Variants in UIMC1 observed in about 807,000 individuals in gnomAD.
UIMC1 encodes ubiquitin interaction motif containing 1.
A neutral mutation model predicts 84.9 loss-of-function variants in UIMC1; 42 were observed. The observed-to-expected ratio is 0.49, with a 90% CI of 0.39 to 0.64. The LOEUF (loss-of-function observed/expected upper bound fraction) is 0.64. Ranked by LOEUF, UIMC1 falls within the 30% of genes least tolerant of loss-of-function variation. The pLI, the probability that UIMC1 is intolerant of heterozygous loss-of-function variation, is 0.00. For missense variants in UIMC1, 825 were observed against 847.6 expected, an observed-to-expected ratio of 0.97 and a Z score of 0.33; for synonymous variants, 281 against 293.0, an observed-to-expected ratio of 0.96 and a Z score of 0.42.
rs1312782485 is a variant in UIMC1 at position 176,905,301 on chromosome 5, C to T, written c.2141G>A (p.Gly714Glu). The part of the protein sequence containing the change: ...GSRTRTKAGR[G>E]RRRKF ...AGAAATTCAGAATTTTCTCCTTCTTCCTCTGCCAGCTTTGGTCCGTGTCCG... is the reference window on the plus strand; with the variant it reads ...AGAAATTCAGAATTTTCTCCTTCTTTCTCTGCCAGCTTTGGTCCGTGTCCG... Residue 714 changes from glycine (G) to glutamate (E), a missense_variant, in exon 15 of 15, where the codon GGA (glycine) becomes GAA (glutamate). Gly to Glu is a moderately conservative substitution (Grantham distance 98, BLOSUM62 -2). Coordinates refer to ENST00000511320, the MANE Select transcript of UIMC1 (RefSeq NM_001199298.2). The T allele has an allele frequency of 6.2e-7, 1 of 1,614,042 alleles. No individual in the cohort carries two copies. Among genetic ancestry groups the T allele is most frequent in the South Asian group, 1.1e-5 (1 of 91,066 alleles).
intron 2 of UIMC1, among the ~76,000 whole-genome samples, chr5:176,979,734 T>G (rs1581624994): frequency 6.6e-6 from 1 of 152,360 alleles, no homozygotes; most frequent in Non-Finnish European, 1.5e-5. Context: ...TTATGCACAT[T>G]CCTGTATGCA....
intron 1 of UIMC1, among the ~76,000 whole-genome samples, chr5:177,002,297 T>A (rs1774639870): frequency 6.6e-6 from 1 of 151,260 alleles, no homozygotes; most frequent in Non-Finnish European, 1.5e-5. Context: ...CCCAAAAAAA[T>A]AAAAATAAAA....
At chr5:176,987,114 G>C (rs1219579536) in intron 1 of UIMC1, among the ~76,000 whole-genome samples, 1 of 151,936 alleles carries the variant, frequency 6.6e-6, no homozygotes, top group Non-Finnish European at 1.5e-5. Flanking sequence ...CAGCTACTTG[G>C]GAGGCTGAGG....
At chr5:176,964,302 G>A (rs904370132) in intron 6 of UIMC1, among the ~76,000 whole-genome samples, 1 of 152,150 alleles carries the variant, frequency 6.6e-6, no homozygotes, top group African/African-American at 2.4e-5. Flanking sequence ...GTTTTTTAAA[G>A]GTACAATTAT....
chr5:176,907,946 C>T (rs1312046133), intron 12 of UIMC1, among the ~76,000 whole-genome samples: 1 of 152,028 alleles, frequency 6.6e-6, no homozygotes, highest in African/African-American at 2.4e-5. Flanking sequence ...ACAAAAGAAC[C>T]AAAATGTCCA....
At chr5:176,999,943 T>C (rs528407358) in intron 1 of UIMC1, among the ~76,000 whole-genome samples, 75 of 152,272 alleles carry the variant, frequency 4.9e-4, no homozygotes, top group Admixed American at 6.5e-4. Context: ...GATCATACGA[T>C]AGCTCTACTT....
intron 2 of UIMC1, chr5:176,980,425 GT>G (rs1193985651): frequency 5.3e-5 from 8 of 152,036 alleles, no homozygotes; most frequent in Non-Finnish European, 1.2e-4. Context: ...AAGCAAAACA[GT>G]TTCCACAGCA....
upstream of UIMC1, chr5:177,006,813 C>T (rs1302497188): frequency 6.6e-6 from 1 of 152,154 alleles, no homozygotes; most frequent in Non-Finnish European, 1.5e-5. Context: ...AACCAACCCC[C>T]GCCGCGGGGG....
chr5:176,937,101 G>T (rs1487186195), intron 10 of UIMC1, among the ~76,000 whole-genome samples: 1 of 152,130 alleles, frequency 6.6e-6, no homozygotes, highest in African/African-American at 2.4e-5. Context: ...AACACAATTG[G>T]CCTTAGATAC....
intron 3 of UIMC1, among the ~76,000 whole-genome samples, chr5:176,973,631 T>C (rs1056906627): frequency 1.3e-5 from 2 of 151,274 alleles, no homozygotes; most frequent in Non-Finnish European, 1.5e-5. Context: ...TAGCTGGGTG[T>C]AGTGATGCAC....
At chr5:176,977,803 C>T (rs1464278118) in intron 2 of UIMC1, among the ~76,000 whole-genome samples, 4 of 151,154 alleles carry the variant, frequency 2.6e-5, no homozygotes, top group Admixed American at 6.6e-5. Flanking sequence ...CCAGCTACTC[C>T]GCAGGCTGAG....
rs775298516 is a variant in UIMC1, at chr5:176,995,486, G to A, written c.-9+11164C>T. Among the ~76,000 whole-genome samples, 90 of 136,472 alleles carry A rather than the reference G, an allele frequency of 6.6e-4. 1 individual carries two copies. The highest frequency in any genetic ancestry group is 1.1e-3 in the Non-Finnish European group (73 of 66,160). The allele number at this position is 136,472 out of a possible 152,430, so 89.5% of individuals were successfully genotyped here. On this transcript the variant is annotated intron_variant, in intron 1 of 14. Coordinates refer to ENST00000511320, the MANE Select transcript of UIMC1 (RefSeq NM_001199298.2). The stretch of plus-strand genomic sequence containing the variant: ...ATTGAATTGCTTGAACTCAGGAGCC[G>A]AGACCATACCACTGCACTCCAGACT...
At chr5:177,009,060 G>A (rs146147598), upstream of UIMC1, among the ~76,000 whole-genome samples, 26 of 151,816 alleles carry the variant, frequency 1.7e-4, no homozygotes, top group Non-Finnish European at 3.7e-4. The surrounding 1 kb of genome is among the most constrained non-coding windows in gnomAD (Gnocchi z 4.3). Flanking sequence ...GTACTGGAGT[G>A]CAGTGGTGTC....
At chr5:176,915,330 T>C (rs900550087) in intron 10 of UIMC1, among the ~76,000 whole-genome samples, 1 of 151,734 alleles carries the variant, frequency 6.6e-6, no homozygotes, top group African/African-American at 2.4e-5. Flanking sequence ...ACTGTATCAA[T>C]AGATTCCAGG....
At chr5:176,928,471 T>C (rs1762661899) in intron 10 of UIMC1, among the ~76,000 whole-genome samples, 1 of 152,202 alleles carries the variant, frequency 6.6e-6, no homozygotes, top group African/African-American at 2.4e-5. Flanking sequence ...CAAGAATGAT[T>C]CAATCTTTAA....
chr5:176,994,823 G>A (rs1026493575), intron 1 of UIMC1, among the ~76,000 whole-genome samples: 16 of 152,280 alleles, frequency 1.1e-4, no homozygotes, highest in East Asian at 1.9e-4. Flanking sequence ...GTCTCGCAAC[G>A]CAGGCATAGC....
At chr5:176,998,401 T>C (rs1007023053) in intron 1 of UIMC1, among the ~76,000 whole-genome samples, 1 of 134,176 alleles carries the variant, frequency 7.5e-6, no homozygotes, top group Non-Finnish European at 1.5e-5. Flanking sequence ...GAGGCAAAGG[T>C]TGCACTAAGC....
At chr5:176,941,448 A>G (rs908874592) in intron 10 of UIMC1, among the ~76,000 whole-genome samples, 12 of 152,226 alleles carry the variant, frequency 7.9e-5, no homozygotes, top group Non-Finnish European at 1.6e-4. Flanking sequence ...AACATGTACT[A>G]CTTTATAATC....
chr5:176,923,592 G>A (rs1164018631), intron 10 of UIMC1, among the ~76,000 whole-genome samples: 2 of 150,692 alleles, frequency 1.3e-5, no homozygotes, highest in South Asian at 4.2e-4. Flanking sequence ...GGTCGGGCAC[G>A]GTGGCTCACA....
Sources: gnomAD v4.1 joint callset for allele counts (sites outside exome capture counted in the v4.1 genomes callset) on GRCh38, gnomAD v4.1.1 for gene constraint, Gnocchi (gnomAD v3.1) non-coding constraint, MANE v1.5 for transcripts, NCBI Gene and HGNC (gene_info 2026-07-23, HGNC 2026-07-21) for gene names.